Variants in SLC2A2 observed in about 807,000 individuals in gnomAD.
SLC2A2 encodes solute carrier family 2, facilitated glucose transporter member 2.
SLC2A2 carries 36 observed loss-of-function variants against 54.5 expected under a neutral mutation model. The observed-to-expected ratio is 0.66, with a 90% CI of 0.51 to 0.87. SLC2A2 has a LOEUF of 0.87. Ranked by LOEUF, SLC2A2 falls within the 40% of genes least tolerant of loss-of-function variation. The pLI is 0.00. For synonymous variants in SLC2A2, 223 were observed against 219.1 expected, an observed-to-expected ratio of 1.02 and a Z score of -0.16; for missense variants, 543 against 624.3, an observed-to-expected ratio of 0.87 and a Z score of 1.39.
chr3:171,002,460 A>G (rs980520546), intron 8 of SLC2A2, 116 bp downstream of exon 8: 1 of 730,538 alleles, frequency 1.4e-6, no homozygotes, highest in East Asian at 2.7e-5. Context: ...GGGTTTACAC[A>G]CTTAGAGCAT....
intron 3 of SLC2A2, among the ~76,000 whole-genome samples, chr3:171,012,910 C>A (rs764251535): frequency 2.6e-5 from 4 of 152,042 alleles, no homozygotes; most frequent in Non-Finnish European, 5.9e-5. Flanking sequence ...ATTGTTGATG[C>A]CAAATCCTAA....
At chr3:171,019,061 GTGTGTGTGTGTGTGTATATATATA>G (rs1716297290) in intron 1 of SLC2A2, among the ~76,000 whole-genome samples, 3 of 125,668 alleles carry the variant, frequency 2.4e-5, no homozygotes, top group African/African-American at 1.1e-4. Flanking sequence ...GTTGATATGT[GTGTGTGTGTGTGTGTATATATATA>G]TGTGTGTGTG....
chr3:170,999,953 A>G (rs1451163544), intron 8 of SLC2A2, among the ~76,000 whole-genome samples: 3 of 152,036 alleles, frequency 2.0e-5, no homozygotes, highest in African/African-American at 7.2e-5. Context: ...CTCTTGCCTG[A>G]TCCTTGGAAT....
chr3:171,018,521 T>A lies in SLC2A2; in HGVS notation c.108+10A>T. On this transcript the variant is annotated intron_variant, in intron 2 of 10. Transcript: ENST00000314251. Reference sequence around the variant, plus strand: ...TTGCCAAAAAGAGAACTTCTACATATTTCACTTGCCTGTTGAGGTGCATTG... The same window carrying A: ...TTGCCAAAAAGAGAACTTCTACATAATTCACTTGCCTGTTGAGGTGCATTG... 6.3e-7 allele frequency: 1 copy of A among 1,584,238 alleles called. No individual in the cohort carries two copies. The highest frequency in any genetic ancestry group is 8.7e-7 in the Non-Finnish European group (1 of 1,152,684).
At chr3:171,014,880 G>A (rs892115966) in intron 2 of SLC2A2, 149 bp from the exon 3 acceptor site, 2 of 671,086 alleles carry the variant, frequency 3.0e-6, no homozygotes, top group Non-Finnish European at 5.1e-6. Flanking sequence ...GTTTACAGTT[G>A]GCCATATCCT....
rs752305211 is a variant in SLC2A2, at chr3:171,007,232, G to A, written c.528C>T (p.Ile176=). 12 of 1,611,586 alleles carry A rather than the reference G, an allele frequency of 7.4e-6. No individual in the cohort carries two copies. Among genetic ancestry groups the A allele is most frequent in the East Asian group, 6.7e-5 (3 of 44,822 alleles). ...GLISGLVPMY[I]GEIAPTALRG... ...TGAGAGCGGTTGGAGCAATTTCACC[G>A]ATATACATAGGAACCAGGCCTGAAA... Residue 176 remains isoleucine, a synonymous_variant, in exon 5 of 11, where the codon ATC becomes ATT. Coordinates refer to ENST00000314251, the MANE Select transcript of SLC2A2 (RefSeq NM_000340.2).
chr3:171,020,644 G>A (rs1716415731), intron 1 of SLC2A2, among the ~76,000 whole-genome samples: 1 of 151,978 alleles, frequency 6.6e-6, no homozygotes, highest in South Asian at 2.1e-4. Flanking sequence ...CCACTTTGAG[G>A]GACTGAGGTG....
chr3:171,018,678 C>G, intron 1 of SLC2A2, 55 bp from the exon 2 acceptor site: 1 of 1,223,484 alleles, frequency 8.2e-7, no homozygotes, highest in African/African-American at 1.5e-5. Flanking sequence ...AGTTTCCCAT[C>G]TTTCTGTCAG....
At chr3:171,006,878 A>G (rs1260508961) in intron 5 of SLC2A2, among the ~76,000 whole-genome samples, 1 of 152,092 alleles carries the variant, frequency 6.6e-6, no homozygotes, top group African/African-American at 2.4e-5. Context: ...GGTCACCTCC[A>G]GTGCTATCCC....
chr3:171,006,721 TG>T (rs1715621888), intron 5 of SLC2A2, among the ~76,000 whole-genome samples: 1 of 151,990 alleles, frequency 6.6e-6, no homozygotes, highest in Admixed American at 6.6e-5. Flanking sequence ...GGAGTTCCTG[TG>T]GCAATCACTT....
rs541058007 is a variant in SLC2A2, at chr3:170,996,542, G to A, written c.*1361C>T. ...AGTGCTCCAGTTGGTGGAGAAAACA[G>A]CCTAGAGATACGTTAGCACCCTGCT... On this transcript the variant is annotated 3_prime_UTR_variant, in exon 11 of 11. Transcript: ENST00000314251. 9 of 397,450 alleles carry A rather than the reference G, an allele frequency of 2.3e-5. No individual in the cohort carries two copies. Among genetic ancestry groups the A allele is most frequent in the Non-Finnish European group, 4.0e-5 (9 of 225,316 alleles). 24.6% of individuals were successfully genotyped at this position (397,450 alleles called of 1,614,324 possible). A position where few individuals can be genotyped will look rare whatever the true frequency, so the allele number is the denominator to read the frequency against.
rs1460958610 is a variant in SLC2A2, at chr3:171,005,930, T to C, written c.775+13A>G. 6.2e-7 allele frequency: 1 copy of C among 1,610,410 alleles called. No individual in the cohort carries two copies. The highest frequency in any genetic ancestry group is 1.3e-5 in the African/African-American group (1 of 74,766). On this transcript the variant is annotated intron_variant, in intron 6 of 10. Coordinates refer to ENST00000314251, the MANE Select transcript of SLC2A2 (RefSeq NM_000340.2). ...AAACAATAGGAAGAAAGAAAAACCA[T>C]CCACAGACTTACTTTGTTTTGCTTT...
chr3:171,006,680 G>T (rs1477931358), intron 5 of SLC2A2, among the ~76,000 whole-genome samples: 1 of 151,946 alleles, frequency 6.6e-6, no homozygotes, highest in African/African-American at 2.4e-5. Flanking sequence ...GACACCATAG[G>T]GTAGAAGGGA....
At chr3:171,016,742 G>A (rs536295529) in intron 2 of SLC2A2, among the ~76,000 whole-genome samples, 3 of 152,228 alleles carry the variant, frequency 2.0e-5, no homozygotes, top group Non-Finnish European at 2.9e-5. Context: ...TAACCTGGAC[G>A]CCAGTATGGG....
chr3:171,022,809 G>A (rs1435064514), intron 1 of SLC2A2, among the ~76,000 whole-genome samples: 2 of 152,162 alleles, frequency 1.3e-5, no homozygotes, highest in Admixed American at 1.3e-4. Context: ...GGGTGATAGC[G>A]ATAGCTGCAG....
chr3:171,018,681 T>C, intron 1 of SLC2A2, 58 bp from the exon 2 acceptor site: 1 of 1,177,528 alleles, frequency 8.5e-7, no homozygotes, highest in South Asian at 1.2e-5. Context: ...TTCCCATCTT[T>C]CTGTCAGGCT....
intron 1 of SLC2A2, among the ~76,000 whole-genome samples, chr3:171,023,871 A>G (rs1035974898): frequency 2.6e-5 from 4 of 152,178 alleles, no homozygotes; most frequent in African/African-American, 9.7e-5. Flanking sequence ...AAAAAATGCT[A>G]CCTTCATTAG....
At chr3:171,001,707 G>A (rs1715340561) in intron 8 of SLC2A2, among the ~76,000 whole-genome samples, 1 of 151,896 alleles carries the variant, frequency 6.6e-6, no homozygotes, top group Non-Finnish European at 1.5e-5. Flanking sequence ...AATTACATTA[G>A]TTGGGGAGTT....
Position 171,006,073 on chromosome 3 carries a change from A to G in SLC2A2, c.645T>C (p.Tyr215=), listed in dbSNP as rs1715588464. The stretch of plus-strand genomic sequence containing the variant: ...GGCCAAGCAGGATGTGCCACAGATC[A>G]TAATTGCCCAAGATAAATTCAAGAC... ...IIGLEFILGN[Y]DLWHILLGLS... is the part of the protein sequence containing the mutation. The change falls in exon 6 of 11, where the codon TAT becomes TAC. Residue 215 remains tyrosine (Y), a synonymous_variant. Transcript: ENST00000314251. 2 of 1,612,570 alleles carry G rather than the reference A, an allele frequency of 1.2e-6. No individual in the cohort carries two copies. The highest frequency in any genetic ancestry group is 8.5e-7 in the Non-Finnish European group (1 of 1,179,010).
Sources: gnomAD v4.1 joint callset for allele counts (sites outside exome capture counted in the v4.1 genomes callset) on GRCh38, gnomAD v4.1.1 for gene constraint, MANE v1.5 for transcripts, NCBI Gene and HGNC (gene_info 2026-07-23, HGNC 2026-07-21) for gene names.